The following TANC1 variants were observed in gnomAD, a reference collection of about 807,000 sequenced individuals.
TANC1 encodes the protein tetratricopeptide repeat, ankyrin repeat and coiled-coil containing 1.
In TANC1, 77 loss-of-function variants were observed where a neutral mutation model predicts 149.7. The ratio of observed to expected loss-of-function variants is 0.51; its 90% CI spans 0.43 to 0.62. The LOEUF (loss-of-function observed/expected upper bound fraction) is 0.62. Ranked by LOEUF, TANC1 falls within the 20% of genes least tolerant of loss-of-function variation. TANC1 has a pLI of 0.00. For missense variants in TANC1, 1,985 were observed against 2,321.8 expected, an observed-to-expected ratio of 0.85 and a Z score of 2.98; for synonymous variants, 854 against 925.0, an observed-to-expected ratio of 0.92 and a Z score of 1.39.
intron 14 of TANC1, among the ~76,000 whole-genome samples, chr2:159,181,302 CT>C (rs755312956): frequency 0.024 from 3,360 of 140,300 alleles, 59 homozygotes; most frequent in Non-Finnish European, 0.034. Flanking sequence ...GATTTTTTTG[CT>C]TTTTTTTTTT....
intron 4 of TANC1, among the ~76,000 whole-genome samples, chr2:159,130,589 G>C (rs889156971): frequency 6.6e-6 from 1 of 152,218 alleles, no homozygotes; most frequent in African/African-American, 2.4e-5. Context: ...GTGGCCTGCA[G>C]TTGTTCTGTA....
At chr2:159,175,323 A>G (rs1459194649) in intron 12 of TANC1, 139 bp downstream of exon 12, 2 of 665,676 alleles carry the variant, frequency 3.0e-6, no homozygotes, top group South Asian at 3.7e-5. Flanking sequence ...CTCCGTGCCC[A>G]TCCACTCCTC....
At chr2:159,057,542 G>T (rs1300261438) in intron 2 of TANC1, among the ~76,000 whole-genome samples, 10 of 152,210 alleles carry the variant, frequency 6.6e-5, no homozygotes, top group African/African-American at 2.2e-4. Context: ...GCCAGGGCAA[G>T]TTTCTCCATT....
At chr2:158,975,508 G>A (rs1184123126) in intron 1 of TANC1, among the ~76,000 whole-genome samples, 1 of 152,114 alleles carries the variant, frequency 6.6e-6, no homozygotes, top group African/African-American at 2.4e-5. Flanking sequence ...TGAAGCATAA[G>A]GTTGTCAGCA....
rs200589854 is a variant in TANC1 at position 159,032,508 on chromosome 2, C to CT, written c.-16+31328dup. Among the ~76,000 whole-genome samples, 114 of 150,968 alleles carry CT rather than the reference C, an allele frequency of 7.6e-4. 1 individual carries two copies. The highest frequency in any genetic ancestry group is 3.4e-3 in the Middle Eastern group (1 of 294). On this transcript the variant is annotated intron_variant, in intron 2 of 26. Coordinates refer to ENST00000263635, the MANE Select transcript of TANC1 (RefSeq NM_033394.3). ...CCAAGAATTGTGCTGCTTTAAAATG[C>CT]TTTTTTTTTGGCGTCCTTGCATGCA...
chr2:159,108,131 A>G lies in TANC1; in HGVS notation c.259+10297A>G, dbSNP rs1000705612. Among the ~76,000 whole-genome samples, 3 of 152,226 alleles carry G rather than the reference A, an allele frequency of 2.0e-5. No homozygotes were observed. The East Asian group carries it at 5.8e-4, about 29-fold the overall frequency. ...TGGACGCATAGGCAATTTTAAATGT[A>G]ACAGTCCTTTACATTTAGAAAGCTG... On this transcript the variant is annotated intron_variant, in intron 4 of 26. Coordinates refer to ENST00000263635, the MANE Select transcript of TANC1 (RefSeq NM_033394.3).
chr2:159,082,454 G>A (rs1052164339), intron 3 of TANC1, among the ~76,000 whole-genome samples: 8 of 151,220 alleles, frequency 5.3e-5, no homozygotes, highest in African/African-American at 1.9e-4. Context: ...TTATAATTTA[G>A]GTAATTTCTA....
chr2:159,071,715 C>A (rs1018804018), intron 3 of TANC1, among the ~76,000 whole-genome samples: 28 of 152,160 alleles, frequency 1.8e-4, no homozygotes, highest in African/African-American at 6.8e-4. Flanking sequence ...AAATACGAAG[C>A]TGCTTTTGAT....
intron 2 of TANC1, among the ~76,000 whole-genome samples, chr2:159,009,746 G>A (rs1382310582): frequency 1.3e-5 from 2 of 152,148 alleles, no homozygotes; most frequent in Non-Finnish European, 2.9e-5. Context: ...TAGAAGAGTG[G>A]ATTTTGAATG....
At chr2:159,219,973 A>AGT in intron 22 of TANC1, 106 bp downstream of exon 22, 1 of 651,482 alleles carries the variant, frequency 1.5e-6, no homozygotes, top group Non-Finnish European at 2.3e-6. Context: ...CAGTGTCATC[A>AGT]GAGAGTGTGT....
intron 4 of TANC1, among the ~76,000 whole-genome samples, chr2:159,116,918 C>T (rs918914820): frequency 4.6e-5 from 7 of 152,216 alleles, no homozygotes; most frequent in Non-Finnish European, 1.0e-4. Flanking sequence ...CGTTGATAAC[C>T]AGTTGGGATT....
In TANC1 at chr2:159,185,847, G is replaced by A. The variant is rs778179572; in HGVS notation, c.2567G>A (p.Arg856His). 31 of 1,614,132 alleles carry A rather than the reference G, an allele frequency of 1.9e-5. No homozygotes were observed. Among genetic ancestry groups the A allele is most frequent in the East Asian group, 2.2e-5 (1 of 44,888 alleles). The change falls in exon 15 of 27, where the codon CGC (arginine) becomes CAC (histidine). Residue 856 changes from arginine to histidine, a missense_variant. Transcript: ENST00000263635. Reference protein sequence around the residue: ...MFSRQEGKLNRQQTMELGHHI... With the variant: ...MFSRQEGKLNHQQTMELGHHI... ...TCGCGTCAGGAGGGCAAGTTGAACCGCCAGCAGACCATGGAGCTTGGCCAC... is the reference window on the plus strand; with the variant it reads ...TCGCGTCAGGAGGGCAAGTTGAACCACCAGCAGACCATGGAGCTTGGCCAC...
chr2:159,009,899 A>G lies in TANC1; in HGVS notation c.-16+8710A>G, dbSNP rs989757929. 8.5e-5 allele frequency among the ~76,000 whole-genome samples: 13 copies of G among 152,328 alleles called. No individual in the cohort carries two copies. In the East Asian group the frequency reaches 2.5e-3, roughly 29 times the overall value. On this transcript the variant is annotated intron_variant, in intron 2 of 26. Transcript: ENST00000263635. ...GCAATAATTTACAAATTAAAAAAAA[A>G]AAATCTGTGTACCTAGTACTGGAAA...
At chr2:159,116,854 G>A (rs906085274) in intron 4 of TANC1, among the ~76,000 whole-genome samples, 1 of 152,238 alleles carries the variant, frequency 6.6e-6, no homozygotes, top group Non-Finnish European at 1.5e-5. Context: ...CTTACAGTGA[G>A]TTGATGGAGC....
Position 159,203,363 on chromosome 2 carries a change from C to T in TANC1, c.3244+4310C>T, listed in dbSNP as rs148181171. On this transcript the variant is annotated intron_variant, in intron 19 of 26. Transcript: ENST00000263635. ...CTGGGATTACAGGCATGCACCACCA[C>T]GCCAAGCTAATTTTTGTATTTTTAG... Among the ~76,000 whole-genome samples, 627 of 152,052 alleles carry T rather than the reference C, an allele frequency of 4.1e-3. 8 individuals carry two copies. Among genetic ancestry groups the T allele is most frequent in the African/African-American group, 0.015 (602 of 41,482 alleles).
chr2:159,198,394 T>A (rs2058017754), intron 18 of TANC1, among the ~76,000 whole-genome samples: 1 of 152,166 alleles, frequency 6.6e-6, no homozygotes, highest in Non-Finnish European at 1.5e-5. Flanking sequence ...CTCCCGTTGC[T>A]CGCTGCTGTT....
chr2:159,125,651 G>T, intron 4 of TANC1, among the ~76,000 whole-genome samples: 1 of 149,904 alleles, frequency 6.7e-6, no homozygotes, highest in Non-Finnish European at 1.5e-5. Flanking sequence ...GTGCAGTGTC[G>T]TGATCTCGGC....
At chr2:159,015,547 C>G (rs1487988878) in intron 2 of TANC1, among the ~76,000 whole-genome samples, 1 of 152,200 alleles carries the variant, frequency 6.6e-6, no homozygotes, top group Non-Finnish European at 1.5e-5. Context: ...GCTTGGATTT[C>G]TCCTCAGAAA....
chr2:159,154,495 A>G (rs1319002570), intron 7 of TANC1, among the ~76,000 whole-genome samples: 1 of 152,128 alleles, frequency 6.6e-6, no homozygotes, highest in Non-Finnish European at 1.5e-5. Flanking sequence ...GCTAGTAACC[A>G]GTACAAGAAT....
Sources: gnomAD v4.1 joint callset for allele counts (sites outside exome capture counted in the v4.1 genomes callset) on GRCh38, gnomAD v4.1.1 for gene constraint, MANE v1.5 for transcripts, NCBI Gene and HGNC (gene_info 2026-07-23, HGNC 2026-07-21) for gene names.